Variants in THSD4 observed in about 807,000 individuals in gnomAD.
The protein encoded by THSD4 is thrombospondin type-1 domain-containing protein 4.
Under a neutral mutation model 119.0 loss-of-function variants are expected in THSD4, and 69 were observed. The observed-to-expected ratio is 0.58, with a 90% CI of 0.48 to 0.71. The LOEUF is 0.71. Ranked by LOEUF, THSD4 falls within the 30% of genes least tolerant of loss-of-function variation. The pLI is 0.00. For missense variants in THSD4, 1,393 were observed against 1,391.1 expected (o/e 1.00, Z -0.02); for synonymous variants, 524 against 540.4 (o/e 0.97, Z 0.42).
chr15:71,547,151 G>A, intron 7 of THSD4: 2 of 1,244,366 alleles, frequency 1.6e-6, no homozygotes, highest in African/African-American at 1.5e-5. Context: ...GTTAAAGGCA[G>A]CCCCCCAGCT....
chr15:71,430,508 C>T (rs148683512), intron 7 of THSD4, among the ~76,000 whole-genome samples: 431 of 152,206 alleles, frequency 2.8e-3, no homozygotes, highest in African/African-American at 0.01. Flanking sequence ...TTGACTTGCC[C>T]TCAGACTACG....
chr15:71,683,708 C>T (rs1199136824), intron 8 of THSD4, among the ~76,000 whole-genome samples: 2 of 152,178 alleles, frequency 1.3e-5, no homozygotes, highest in Non-Finnish European at 2.9e-5. Context: ...GGCTCAGTGG[C>T]TTACACCTGT....
At chr15:71,428,989 A>G (rs533939966) in intron 7 of THSD4, among the ~76,000 whole-genome samples, 77 of 152,310 alleles carry the variant, frequency 5.1e-4, no homozygotes, top group African/African-American at 1.8e-3. Context: ...GGTATCGCAC[A>G]CTAGGAACAA....
intron 3 of THSD4, among the ~76,000 whole-genome samples, chr15:71,155,569 G>T (rs572935203): frequency 2.0e-5 from 3 of 152,268 alleles, no homozygotes; most frequent in African/African-American, 4.8e-5. Context: ...TGCTAGAATG[G>T]ACAGTTGAGA....
At chr15:71,120,700 T>G (rs1310753273) in intron 1 of THSD4, among the ~76,000 whole-genome samples, 1 of 152,234 alleles carries the variant, frequency 6.6e-6, no homozygotes, top group Non-Finnish European at 1.5e-5. Context: ...AGCCATGGGC[T>G]GGGAGCTCGT....
At chr15:71,378,262 G>A (rs1020942904) in intron 6 of THSD4, among the ~76,000 whole-genome samples, 3 of 151,984 alleles carry the variant, frequency 2.0e-5, no homozygotes, top group Non-Finnish European at 2.9e-5. Context: ...GTTTTCTATC[G>A]GGTCAAAATA....
chr15:71,682,985 A>G lies in THSD4; in HGVS notation c.1357+22251A>G, dbSNP rs143780650. Reference sequence around the variant, plus strand: ...GCCCAGTCTGGAGTGCAGTGGTGCAATCATGGCTCACTGCAGCCTCAACCC... The same window carrying G: ...GCCCAGTCTGGAGTGCAGTGGTGCAGTCATGGCTCACTGCAGCCTCAACCC... On this transcript the variant is annotated intron_variant, in intron 8 of 17. Transcript: ENST00000261862. Among the ~76,000 whole-genome samples, 698 of 143,632 alleles carry G rather than the reference A, an allele frequency of 4.9e-3. 9 individuals carry two copies. Among genetic ancestry groups the G allele is most frequent in the African/African-American group, 0.018 (671 of 37,470 alleles). 94.2% of individuals were successfully genotyped at this position (143,632 alleles called of 152,430 possible).
chr15:71,323,132 C>G lies in THSD4; in HGVS notation c.1015+66417C>G, dbSNP rs1303060904. Among the ~76,000 whole-genome samples the G allele has an allele frequency of 2.8e-5, 4 of 144,352 alleles. 1 individual carries two copies. The highest frequency in any genetic ancestry group is 2.1e-4 in the Admixed American group (3 of 14,514). 94.7% of individuals were successfully genotyped at this position (144,352 alleles called of 152,430 possible). ...AAAAAAAAAAAAAGATCGTAGTCTT[C>G]TAATCCTTAACCTCATCTTGAAAGT... is the stretch of plus-strand genomic sequence containing the variant. On this transcript the variant is annotated intron_variant, in intron 6 of 17. Transcript: ENST00000261862.
chr15:71,213,730 G>C (rs954222355), intron 3 of THSD4, among the ~76,000 whole-genome samples: 14 of 134,276 alleles, frequency 1.0e-4, no homozygotes, highest in Middle Eastern at 8.3e-3. Flanking sequence ...TTTGGATAGA[G>C]CTTTTGAACC....
chr15:71,612,192 T>C (rs924610023), intron 7 of THSD4, among the ~76,000 whole-genome samples: 18 of 152,148 alleles, frequency 1.2e-4, no homozygotes, highest in African/African-American at 4.3e-4. Context: ...AAAGGGGTCA[T>C]GAATGACCTG....
chr15:71,650,033 C>G (rs1595827420), intron 7 of THSD4, among the ~76,000 whole-genome samples: 2 of 152,176 alleles, frequency 1.3e-5, no homozygotes, highest in African/African-American at 4.8e-5. Context: ...GTGGCAATCT[C>G]TCACACCTCA....
At chr15:71,553,547 G>A (rs1353703938) in intron 7 of THSD4, among the ~76,000 whole-genome samples, 2 of 151,902 alleles carry the variant, frequency 1.3e-5, no homozygotes, top group Admixed American at 6.6e-5. Context: ...GGCTGGTCTC[G>A]AGCTCCTGAC....
At chr15:71,518,215 C>T (rs565090430) in intron 7 of THSD4, among the ~76,000 whole-genome samples, 112 of 152,188 alleles carry the variant, frequency 7.4e-4, no homozygotes, top group South Asian at 3.9e-3. Flanking sequence ...CCCCACCTCC[C>T]CACCCCTTCC....
At chr15:71,695,425 G>A (rs535206709) in intron 8 of THSD4, among the ~76,000 whole-genome samples, 8 of 151,504 alleles carry the variant, frequency 5.3e-5, no homozygotes, top group Non-Finnish European at 7.4e-5. Context: ...TTCTTGAGAC[G>A]CTGTAATATG....
In THSD4 at chr15:71,215,070, G is replaced by A. The variant is rs2043919566; in HGVS notation, c.135G>A (p.Glu45=). Reference sequence around the variant, plus strand: ...GGATGGCGGCGGAGGGCGCCCCCGAGGACGACGGCGGCGGCGGCGCCCCGG... The same window carrying A: ...GGATGGCGGCGGAGGGCGCCCCCGAAGACGACGGCGGCGGCGGCGCCCCGG... ...PQRMAAEGAP[E]DDGGGGAPGV... Residue 45 remains glutamate (E), a synonymous_variant, in exon 4 of 18, where the codon GAG becomes GAA. Coordinates refer to ENST00000261862, the MANE Select transcript of THSD4 (RefSeq NM_024817.3). 1.5e-6 allele frequency: 2 copies of A among 1,299,858 alleles called. No homozygotes were observed. Among genetic ancestry groups the A allele is most frequent in the Non-Finnish European group, 2.0e-6 (2 of 1,021,884 alleles). The allele number at this position is 1,299,858 out of a possible 1,614,324, so 80.5% of individuals were successfully genotyped here.
At chr15:71,772,723 C>T (rs757506551) in intron 17 of THSD4, among the ~76,000 whole-genome samples, 42 of 152,054 alleles carry the variant, frequency 2.8e-4, no homozygotes, top group Non-Finnish European at 5.3e-4. Context: ...CGTTATAATG[C>T]AGAATTCTGA....
At chr15:71,292,715 C>T (rs1179368269) in intron 6 of THSD4, among the ~76,000 whole-genome samples, 22 of 141,170 alleles carry the variant, frequency 1.6e-4, no homozygotes, top group African/African-American at 4.5e-4. Context: ...CTTGCTCTGT[C>T]GCCCAGGCTG....
intron 8 of THSD4, among the ~76,000 whole-genome samples, chr15:71,725,388 T>C (rs899877103): frequency 1.3e-5 from 2 of 152,154 alleles, no homozygotes; most frequent in African/African-American, 4.8e-5. Flanking sequence ...TTGTGAGTCA[T>C]TCACATATGG....
rs75166236 is a variant in THSD4, at chr15:71,709,445, G to A, written c.1358-19104G>A. Among the ~76,000 whole-genome samples the A allele has an allele frequency of 2.6e-5, 4 of 152,230 alleles. No individual in the cohort carries two copies. In the East Asian group the frequency reaches 5.8e-4, roughly 22 times the overall value. ...TTGAAGTGGACTGTGGAGAAGAAGG[G>A]GCATCACGGTTCTGCTCTCCTGTGC... On this transcript the variant is annotated intron_variant, in intron 8 of 17. Transcript: ENST00000261862.
Sources: allele counts gnomAD v4.1 joint callset (sites outside exome capture counted in the v4.1 genomes callset), GRCh38; gene constraint gnomAD v4.1.1; transcripts MANE v1.5; gene names NCBI Gene and HGNC (gene_info 2026-07-23, HGNC 2026-07-21).